Variants in CSMD1 observed in about 807,000 individuals in gnomAD.
CSMD1 encodes CUB and Sushi multiple domains 1, also known as CUB and sushi domain-containing protein 1.
A neutral mutation model predicts 417.5 loss-of-function variants in CSMD1; 213 were observed. That is an observed-to-expected ratio of 0.51 (90% confidence interval 0.46 to 0.57). CSMD1 has a LOEUF of 0.57. Ranked by LOEUF, CSMD1 falls within the 20% of genes least tolerant of loss-of-function variation. The pLI is 0.00. For synonymous variants in CSMD1, 2,862 were observed against 1,736.8 expected, an observed-to-expected ratio of 1.65 and a Z score of -16.11; for missense variants, 6,923 against 4,529.7, an observed-to-expected ratio of 1.53 and a Z score of -15.17.
intron 2 of CSMD1, among the ~76,000 whole-genome samples, chr8:4,476,962 G>T (rs73514649): frequency 6.6e-6 from 1 of 152,190 alleles, no homozygotes; most frequent in Admixed American, 6.5e-5. Context: ...AAAGCATGAG[G>T]TGTGCTGCTG....
intron 5 of CSMD1, among the ~76,000 whole-genome samples, chr8:3,925,986 C>T (rs1286492637): frequency 6.8e-6 from 1 of 147,818 alleles, no homozygotes; most frequent in East Asian, 2.1e-4. Context: ...CCCAATTTAC[C>T]CTATGAAACT....
chr8:4,274,071 G>T (rs1449329314), intron 3 of CSMD1, among the ~76,000 whole-genome samples: 2 of 152,050 alleles, frequency 1.3e-5, no homozygotes, highest in Non-Finnish European at 2.9e-5. Context: ...TGACTTTATT[G>T]TAATATATAA....
At chr8:4,948,129 T>A (rs1808490665) in intron 1 of CSMD1, among the ~76,000 whole-genome samples, 1 of 152,068 alleles carries the variant, frequency 6.6e-6, no homozygotes, top group Non-Finnish European at 1.5e-5. Context: ...TATCAATTTA[T>A]ACTACTATCA....
chr8:3,307,854 G>A (rs370062891), intron 24 of CSMD1, 33 bp from the exon 25 acceptor site: 2 of 1,600,790 alleles, frequency 1.2e-6, no homozygotes, highest in Non-Finnish European at 1.7e-6. Flanking sequence ...GGAACGTTCA[G>A]CTTCAGGCAT....
intron 5 of CSMD1, among the ~76,000 whole-genome samples, chr8:3,896,554 C>A (rs191352424): frequency 6.6e-6 from 1 of 151,894 alleles, no homozygotes. Flanking sequence ...CTCTGTCACC[C>A]AGGCTGGAGT....
intron 3 of CSMD1, among the ~76,000 whole-genome samples, chr8:4,038,170 G>C (rs1382690965): frequency 3.3e-5 from 5 of 152,072 alleles, no homozygotes; most frequent in Admixed American, 6.5e-5. Flanking sequence ...TTATGATTTA[G>C]GGATTGGGGA....
At chr8:4,576,989 A>T (rs1799167820) in intron 2 of CSMD1, among the ~76,000 whole-genome samples, 1 of 152,206 alleles carries the variant, frequency 6.6e-6, no homozygotes, top group Admixed American at 6.5e-5. Flanking sequence ...ACACAGTGTG[A>T]TTCTATCTCC....
intron 40 of CSMD1, among the ~76,000 whole-genome samples, chr8:3,149,932 C>T (rs143777707): frequency 1.6e-3 from 250 of 152,260 alleles, no homozygotes; most frequent in Non-Finnish European, 2.9e-3. Flanking sequence ...AACAAGGCTC[C>T]GGTCCTTAAG....
chr8:4,162,218 T>A (rs1257628655), intron 3 of CSMD1, among the ~76,000 whole-genome samples: 1 of 152,236 alleles, frequency 6.6e-6, no homozygotes, highest in Non-Finnish European at 1.5e-5. Context: ...CTTTTAATTG[T>A]TATGTTACCA....
intron 3 of CSMD1, among the ~76,000 whole-genome samples, chr8:4,060,654 A>G (rs1798924265): frequency 6.6e-6 from 1 of 152,148 alleles, no homozygotes; most frequent in African/African-American, 2.4e-5. Context: ...GCAAAGGAGA[A>G]GCGGCACCTG....
intron 3 of CSMD1, among the ~76,000 whole-genome samples, chr8:4,134,214 C>A (rs2680592): frequency 0.96 from 146,301 of 152,282 alleles, 70,552 homozygotes; most frequent in East Asian, 1. Context: ...TCCTTACACG[C>A]TGAATTGTGT....
chr8:4,219,555 TA>T (rs10719470), intron 3 of CSMD1, among the ~76,000 whole-genome samples: 151,196 of 151,782 alleles, frequency 1, 75,307 homozygotes, highest in East Asian at 1. Context: ...ATGCTTATGT[TA>T]AAAAAAAAAC....
chr8:3,960,815 T>G (rs1295936298), intron 5 of CSMD1, among the ~76,000 whole-genome samples: 4 of 151,972 alleles, frequency 2.6e-5, no homozygotes, highest in African/African-American at 9.7e-5. Context: ...TTATTTTTAC[T>G]GAATTAAAAT....
Position 3,439,301 on chromosome 8 carries a change from ATATATATATT to A in CSMD1, c.1561+29401_1561+29410del, listed in dbSNP as rs1299690874. ...TGTCAGTATATATATATATATATAT[ATATATATATT>A]TTTTTTTTTAATATGTATTTTTAAT... On this transcript the variant is annotated intron_variant, in intron 12 of 69. Transcript: ENST00000635120. 2.1e-3 allele frequency among the ~76,000 whole-genome samples: 126 copies of A among 61,060 alleles called. 6 individuals carry two copies. The East Asian group carries it at 0.022, about 11-fold the overall frequency. 40.1% of individuals were successfully genotyped at this position (61,060 alleles called of 152,430 possible).
At chr8:4,558,380 A>G (rs1009888411) in intron 2 of CSMD1, among the ~76,000 whole-genome samples, 2 of 152,152 alleles carry the variant, frequency 1.3e-5, no homozygotes, top group Admixed American at 6.5e-5. Context: ...CATCACTAAA[A>G]CGTATTTTTC....
chr8:3,997,563 C>A (rs544794232), intron 5 of CSMD1, among the ~76,000 whole-genome samples: 1 of 152,186 alleles, frequency 6.6e-6, no homozygotes, highest in East Asian at 1.9e-4. Context: ...AGAAAATACA[C>A]AATCTAAAAA....
chr8:3,862,042 G>A (rs1427707048), intron 5 of CSMD1, among the ~76,000 whole-genome samples: 2 of 152,152 alleles, frequency 1.3e-5, no homozygotes, highest in African/African-American at 2.4e-5. Context: ...ACCATTGCTT[G>A]CTAAATCAAA....
intron 1 of CSMD1, among the ~76,000 whole-genome samples, chr8:4,764,981 C>G (rs1812362290): frequency 6.6e-6 from 1 of 150,380 alleles, no homozygotes; most frequent in South Asian, 2.1e-4. Context: ...AATTCTAGAG[C>G]TGTTTATTGA....
At chr8:4,263,057 T>C (rs1803994791) in intron 3 of CSMD1, among the ~76,000 whole-genome samples, 1 of 152,188 alleles carries the variant, frequency 6.6e-6, no homozygotes, top group Non-Finnish European at 1.5e-5. Flanking sequence ...TTGTATTCTC[T>C]ATGAGAACAC....
Sources: allele counts gnomAD v4.1 joint callset (sites outside exome capture counted in the v4.1 genomes callset), GRCh38; gene constraint gnomAD v4.1.1; transcripts MANE v1.5; gene names NCBI Gene and HGNC (gene_info 2026-07-23, HGNC 2026-07-21).